Variants in DHDDS observed in about 807,000 individuals in gnomAD.
The protein encoded by DHDDS is dehydrodolichyl diphosphate synthase subunit.
DHDDS carries 16 observed loss-of-function variants against 46.2 expected under a neutral mutation model. The ratio of observed to expected loss-of-function variants is 0.35; its 90% CI spans 0.23 to 0.53. The LOEUF is 0.53. DHDDS is among the 20% of genes least tolerant of loss of function. The pLI is 0.94. For missense variants in DHDDS, 340 were observed against 423.7 expected, an observed-to-expected ratio of 0.80 and a Z score of 1.73; for synonymous variants, 151 against 163.1, an observed-to-expected ratio of 0.93 and a Z score of 0.56.
intron 6 of DHDDS, among the ~76,000 whole-genome samples, chr1:26,449,567 A>T (rs1270178285): frequency 2.6e-5 from 4 of 151,002 alleles, no homozygotes; most frequent in Admixed American, 1.3e-4. Flanking sequence ...TGCTCAGCTA[A>T]TTCTTTTTTT....
rs192842919 is a variant in DHDDS at position 26,455,415 on chromosome 1, A to G, written c.543-2376A>G. On this transcript the variant is annotated intron_variant, in intron 6 of 8. Coordinates refer to ENST00000236342, the MANE Select transcript of DHDDS (RefSeq NM_205861.3). Reference sequence around the variant, plus strand: ...CCTCTGTGATGATGATACGGAAAAGAAAGCTCTCTCTGTGGTTTGCCTTAA... The same window carrying G: ...CCTCTGTGATGATGATACGGAAAAGGAAGCTCTCTCTGTGGTTTGCCTTAA... Among the ~76,000 whole-genome samples, 14 of 152,298 alleles carry G rather than the reference A, an allele frequency of 9.2e-5. No homozygotes were observed. In the East Asian group the frequency reaches 2.7e-3, roughly 29 times the overall value.
chr1:26,448,135 A>G (rs2075286995), intron 6 of DHDDS: 1 of 205,062 alleles, frequency 4.9e-6, no homozygotes, highest in South Asian at 1.1e-4. Flanking sequence ...TGTTGGGGCT[A>G]GAGTTCTTTA....
intron 1 of DHDDS, 43 bp from the exon 2 acceptor site, chr1:26,432,848 G>T: frequency 7.4e-7 from 1 of 1,356,188 alleles, no homozygotes; most frequent in Non-Finnish European, 1.1e-6. Context: ...ATAGCTCTTC[G>T]CAAACCTTGG....
At chr1:26,455,786 G>C (rs2124478274) in intron 6 of DHDDS, among the ~76,000 whole-genome samples, 1 of 152,244 alleles carries the variant, frequency 6.6e-6, no homozygotes, top group East Asian at 1.9e-4. Context: ...CACACAACTA[G>C]TAAGTGTAGA....
intron 2 of DHDDS, among the ~76,000 whole-genome samples, chr1:26,435,257 G>A (rs968017396): frequency 2.6e-5 from 4 of 151,600 alleles, no homozygotes; most frequent in Non-Finnish European, 5.9e-5. Context: ...TGATCCACCC[G>A]CCTCGGCCTC....
At chr1:26,468,017 C>T (rs952001130) in intron 8 of DHDDS, among the ~76,000 whole-genome samples, 4 of 152,222 alleles carry the variant, frequency 2.6e-5, no homozygotes, top group Non-Finnish European at 5.9e-5. Flanking sequence ...AGCCCAGTCT[C>T]TGCCCTCTAG....
chr1:26,454,303 T>A (rs1358012668), intron 6 of DHDDS, among the ~76,000 whole-genome samples: 1 of 152,120 alleles, frequency 6.6e-6, no homozygotes, highest in Admixed American at 6.6e-5. Context: ...CAGGCTGGAA[T>A]GCACTGGCAC....
At chr1:26,434,756 G>A (rs1254864792) in intron 2 of DHDDS, among the ~76,000 whole-genome samples, 5 of 151,268 alleles carry the variant, frequency 3.3e-5, no homozygotes, top group Non-Finnish European at 7.4e-5. Context: ...GGGTTCAAGC[G>A]ATTCTCCCAC....
chr1:26,443,052 C>CTATTTT, intron 4 of DHDDS, 179 bp downstream of exon 4: 1 of 999,580 alleles, frequency 1.0e-6, no homozygotes, highest in Non-Finnish European at 1.4e-6. Context: ...TTATTTCTAA[C>CTATTTT]TTTTTAATAA....
At position 26,469,494 on chromosome 1, in the gene DHDDS, C is replaced by T. The variant is rs933126536; in HGVS notation, c.*363C>T. 2.7e-6 allele frequency: 1 copy of T among 374,792 alleles called. No individual in the cohort carries two copies. The highest frequency in any genetic ancestry group is 2.1e-5 in the African/African-American group (1 of 48,342). 23.2% of individuals were successfully genotyped at this position (374,792 alleles called of 1,614,324 possible). A position where few individuals can be genotyped will look rare whatever the true frequency, so the allele number is the denominator to read the frequency against. ...TTCAGGGAAGAGTTCTCCCCAAAAC[C>T]CTAGCTCTTTACCCTTCCATTTTAG... On this transcript the variant is annotated 3_prime_UTR_variant, in exon 9 of 9. Transcript: ENST00000236342.
intron 6 of DHDDS, 83 bp from the exon 7 acceptor site, chr1:26,457,708 T>C: frequency 5.8e-6 from 6 of 1,028,432 alleles, no homozygotes; most frequent in Non-Finnish European, 9.2e-6. Flanking sequence ...GAAGCCTATA[T>C]ATGGAAGTTC....
In DHDDS at chr1:26,470,133, G is replaced by T. The variant is rs1382697885; in HGVS notation, c.*1002G>T. On this transcript the variant is annotated 3_prime_UTR_variant, in exon 9 of 9. Transcript: ENST00000236342. Reference sequence around the variant, plus strand: ...TGTTCTAGGTCCTCTGCTTGTGAGGGTCAAAGCTGTGTCCTTTCCCTTACC... The same window carrying T: ...TGTTCTAGGTCCTCTGCTTGTGAGGTTCAAAGCTGTGTCCTTTCCCTTACC... 6.6e-6 allele frequency: 1 copy of T among 152,246 alleles called. No homozygotes were observed. Among genetic ancestry groups the T allele is most frequent in the East Asian group, 1.9e-4 (1 of 5,178 alleles). The allele number at this position is 152,246 out of a possible 1,614,324, so 9.4% of individuals were successfully genotyped here.
intron 7 of DHDDS, among the ~76,000 whole-genome samples, chr1:26,458,690 A>G (rs2075394179): frequency 6.8e-6 from 1 of 147,888 alleles, no homozygotes; most frequent in African/African-American, 2.5e-5. Flanking sequence ...GTGAGGCGAG[A>G]TCGTGCCACT....
intron 5 of DHDDS, 43 bp from the exon 6 acceptor site, chr1:26,447,516 C>A: frequency 6.6e-7 from 1 of 1,512,832 alleles, no homozygotes; most frequent in South Asian, 1.1e-5. Flanking sequence ...AATCATCAGT[C>A]CCTGTCCCCC....
chr1:26,469,405 A>T lies in DHDDS; in HGVS notation c.*274A>T, dbSNP rs963136115. On this transcript the variant is annotated 3_prime_UTR_variant, in exon 9 of 9. Coordinates refer to ENST00000236342, the MANE Select transcript of DHDDS (RefSeq NM_205861.3). ...TTTGGAGAGCAAAGGGCCACAACTC[A>T]TCAGCTGCCTGTCTCTTAGATGCAC... The T allele has an allele frequency of 1.1e-5, 6 of 555,442 alleles. No homozygotes were observed. In the Middle Eastern group the frequency reaches 1.5e-3, roughly 135 times the overall value. 34.4% of individuals were successfully genotyped at this position (555,442 alleles called of 1,614,324 possible).
At chr1:26,446,234 G>A (rs2075266450) in intron 4 of DHDDS, 82 bp from the exon 5 acceptor site, 2 of 1,227,926 alleles carry the variant, frequency 1.6e-6, no homozygotes, top group Admixed American at 1.8e-5. Flanking sequence ...CAAAAAACTG[G>A]TGGTCAGTTA....
intron 6 of DHDDS, among the ~76,000 whole-genome samples, chr1:26,448,771 G>C (rs1034123516): frequency 6.6e-6 from 1 of 152,146 alleles, no homozygotes; most frequent in Non-Finnish European, 1.5e-5. Context: ...GAAGTGACTT[G>C]CCCAGGGTCA....
intron 4 of DHDDS, among the ~76,000 whole-genome samples, chr1:26,444,579 C>CA (rs898612553): frequency 6.6e-5 from 10 of 151,838 alleles, no homozygotes; most frequent in Non-Finnish European, 8.8e-5. Context: ...CCCATCTCTA[C>CA]AAAAAAATAC....
At chr1:26,435,110 A>G (rs2075140666) in intron 2 of DHDDS, among the ~76,000 whole-genome samples, 1 of 151,482 alleles carries the variant, frequency 6.6e-6, no homozygotes, top group Admixed American at 6.6e-5. Context: ...CCCCGGTTCA[A>G]ACAATTCTCC....
Sources: allele counts gnomAD v4.1 joint callset (sites outside exome capture counted in the v4.1 genomes callset), GRCh38; gene constraint gnomAD v4.1.1; transcripts MANE v1.5; gene names NCBI Gene and HGNC (gene_info 2026-07-23, HGNC 2026-07-21).